Variants in PKN2 observed in about 807,000 individuals in gnomAD.
PKN2 encodes protein kinase N2.
Under a neutral mutation model 119.1 loss-of-function variants are expected in PKN2, and 38 were observed. The ratio of observed to expected loss-of-function variants is 0.32; its 90% CI spans 0.25 to 0.42. The LOEUF is 0.42. Ranked by LOEUF, PKN2 falls within the 10% of genes least tolerant of loss-of-function variation. The pLI is 1.00. For missense variants in PKN2, 850 were observed against 1,165.1 expected, an observed-to-expected ratio of 0.73 and a Z score of 3.94; for synonymous variants, 390 against 384.9, an observed-to-expected ratio of 1.01 and a Z score of -0.15.
At chr1:88,761,329 T>A (rs1557593608) in intron 3 of PKN2, among the ~76,000 whole-genome samples, 1 of 151,140 alleles carries the variant, frequency 6.6e-6, no homozygotes, top group Non-Finnish European at 1.5e-5. Context: ...TTTTTATCTC[T>A]GGAAATCAAT....
intron 1 of PKN2, among the ~76,000 whole-genome samples, chr1:88,699,780 A>AT (rs932151878): frequency 2.7e-5 from 4 of 150,564 alleles, no homozygotes; most frequent in Admixed American, 2.0e-4. Context: ...TTTTTTTTTA[A>AT]TTTTTTTATT....
Position 88,807,292 on chromosome 1 carries a change from C to T in PKN2, c.1804-21C>T, listed in dbSNP as rs58839163. The T allele has an allele frequency of 5.2e-4, 749 of 1,441,780 alleles. 4 individuals carry two copies. The African/African-American group carries it at 9.0e-3, about 17-fold the overall frequency. The allele number at this position is 1,441,780 out of a possible 1,614,324, so 89.3% of individuals were successfully genotyped here. A position where few individuals can be genotyped will look rare whatever the true frequency, so the allele number is the denominator to read the frequency against. On this transcript the variant is annotated intron_variant, in intron 12 of 21. Transcript: ENST00000370521. ...TTTTCTGGGTATTTCTATGGATTCA[C>T]GTGTATTTAATATTTTACAGGATTC...
intron 8 of PKN2, among the ~76,000 whole-genome samples, chr1:88,796,516 C>G (rs1432567188): frequency 6.6e-6 from 1 of 152,156 alleles, no homozygotes; most frequent in Admixed American, 6.5e-5. Context: ...CTATATGAAA[C>G]TGTTTCCTAT....
At chr1:88,819,986 C>T (rs1672178687) in intron 16 of PKN2, among the ~76,000 whole-genome samples, 1 of 151,212 alleles carries the variant, frequency 6.6e-6, no homozygotes, top group African/African-American at 2.4e-5. Context: ...GGGAACATCA[C>T]ACACCGGGGG....
intron 2 of PKN2, among the ~76,000 whole-genome samples, chr1:88,752,419 G>A (rs555689739): frequency 1.3e-5 from 2 of 151,980 alleles, no homozygotes; most frequent in South Asian, 4.2e-4. Flanking sequence ...ATCTTTACAA[G>A]GCTAGTCCTC....
At chr1:88,709,466 G>A (rs1475346562) in intron 1 of PKN2, among the ~76,000 whole-genome samples, 4 of 152,288 alleles carry the variant, frequency 2.6e-5, no homozygotes, top group South Asian at 4.1e-4. Flanking sequence ...TCTCTGGGGC[G>A]AGAGGATCAC....
chr1:88,771,630 T>G (rs1295136937), intron 5 of PKN2, 33 bp from the exon 6 acceptor site: 1 of 1,594,144 alleles, frequency 6.3e-7, no homozygotes. Context: ...TGTGATTATT[T>G]AAATGACAAC....
At chr1:88,725,808 A>G (rs900654169) in intron 1 of PKN2, among the ~76,000 whole-genome samples, 1 of 152,124 alleles carries the variant, frequency 6.6e-6, no homozygotes, top group Admixed American at 6.5e-5. Context: ...ACTTAACCCC[A>G]GGTTATGATT....
chr1:88,773,147 T>G (rs1374153357), intron 6 of PKN2, among the ~76,000 whole-genome samples: 3 of 152,180 alleles, frequency 2.0e-5, no homozygotes, highest in Non-Finnish European at 2.9e-5. Flanking sequence ...TTTGTTTTGG[T>G]TTTGTCTTTG....
intron 1 of PKN2, among the ~76,000 whole-genome samples, chr1:88,705,000 T>C (rs1003020834): frequency 3.3e-5 from 5 of 152,134 alleles, no homozygotes; most frequent in African/African-American, 1.2e-4. Context: ...TCAAATCTTT[T>C]GTCTATTTTT....
chr1:88,717,143 A>G (rs1467691214), intron 1 of PKN2, among the ~76,000 whole-genome samples: 1 of 152,158 alleles, frequency 6.6e-6, no homozygotes, highest in East Asian at 1.9e-4. Context: ...TCTGGCTTGT[A>G]GAGTTTCTGC....
intron 1 of PKN2, among the ~76,000 whole-genome samples, chr1:88,713,834 T>C (rs924553292): frequency 6.6e-6 from 1 of 152,228 alleles, no homozygotes; most frequent in Admixed American, 6.5e-5. Flanking sequence ...TTTGGTGTTT[T>C]AGTCATGAAG....
chr1:88,827,302 GAATGAGA>G (rs1193219732), intron 18 of PKN2, among the ~76,000 whole-genome samples: 1 of 152,016 alleles, frequency 6.6e-6, no homozygotes, highest in Non-Finnish European at 1.5e-5. Context: ...AAAATGCTTA[GAATGAGA>G]AATGTTTTGA....
chr1:88,823,986 G>A (rs1269450427), intron 17 of PKN2, among the ~76,000 whole-genome samples: 1 of 137,880 alleles, frequency 7.3e-6, no homozygotes, highest in East Asian at 2.1e-4. Context: ...TCCAGCCTGG[G>A]TGACAAAGTG....
chr1:88,827,972 G>A (rs137954773), intron 18 of PKN2, among the ~76,000 whole-genome samples: 57 of 151,876 alleles, frequency 3.8e-4, no homozygotes, highest in Non-Finnish European at 7.4e-4. Context: ...TGATCCACCC[G>A]CCTCGGCCTC....
chr1:88,821,896 G>A, intron 16 of PKN2, 45 bp from the exon 17 acceptor site: 1 of 1,424,246 alleles, frequency 7.0e-7, no homozygotes, highest in Non-Finnish European at 9.4e-7. Context: ...GGATTCAAGA[G>A]CAATAAAATT....
intron 1 of PKN2, among the ~76,000 whole-genome samples, chr1:88,725,297 A>G (rs1368904093): frequency 6.6e-6 from 1 of 152,178 alleles, no homozygotes; most frequent in African/African-American, 2.4e-5. Context: ...ATTTAAATAT[A>G]TATGTTTAAA....
intron 19 of PKN2, among the ~76,000 whole-genome samples, chr1:88,831,951 T>C (rs1324143350): frequency 1.3e-5 from 2 of 151,434 alleles, no homozygotes. Context: ...GTTTCTCTCT[T>C]TGTGAATCAA....
intron 15 of PKN2, 73 bp downstream of exon 15, chr1:88,807,848 C>G (rs1403741365): frequency 5.0e-6 from 4 of 805,184 alleles, no homozygotes; most frequent in Non-Finnish European, 8.2e-6. Flanking sequence ...TGTATTACAA[C>G]AGCAAAACTT....
Sources: allele counts gnomAD v4.1 joint callset (sites outside exome capture counted in the v4.1 genomes callset), GRCh38; gene constraint gnomAD v4.1.1; transcripts MANE v1.5; gene names NCBI Gene and HGNC (gene_info 2026-07-23, HGNC 2026-07-21).